GOSR1: variants seen among roughly 807,000 people sequenced by gnomAD.
GOSR1 encodes 28 kDa Golgi SNARE protein.
A neutral mutation model predicts 35.5 loss-of-function variants in GOSR1; 21 were observed. That is an observed-to-expected ratio of 0.59 (90% CI 0.42 to 0.85). GOSR1 has a LOEUF of 0.85. GOSR1 is among the 40% of genes least tolerant of loss of function. The pLI is 0.00. For synonymous variants in GOSR1, 94 were observed against 106.6 expected, an observed-to-expected ratio of 0.88 and a Z score of 0.73; for missense variants, 285 against 309.6, an observed-to-expected ratio of 0.92 and a Z score of 0.60.
At chr17:30,509,668 C>A (rs1967543226) in intron 6 of GOSR1, among the ~76,000 whole-genome samples, 1 of 152,158 alleles carries the variant, frequency 6.6e-6, no homozygotes, top group Admixed American at 6.5e-5. Context: ...TTTACCTATT[C>A]ATTTCTCCCT....
At chr17:30,487,511 A>G (rs1408635213) in intron 4 of GOSR1, among the ~76,000 whole-genome samples, 1 of 152,196 alleles carries the variant, frequency 6.6e-6, no homozygotes, top group Non-Finnish European at 1.5e-5. Flanking sequence ...AATTGCTTAC[A>G]AAAAAATGAA....
rs1289309427 is a variant in GOSR1 at position 30,481,010 on chromosome 17, C to A, written c.32-133C>A. On this transcript the variant is annotated intron_variant, in intron 1 of 8. Transcript: ENST00000451249. ...TACAGGCGTGCACCACCGTGCCCAG[C>A]CAACACTTTTCTTTATGGGGGTAAC... 1.4e-5 allele frequency: 9 copies of A among 632,346 alleles called. No homozygotes were observed. The South Asian group carries it at 1.6e-4, about 11-fold the overall frequency. 39.2% of individuals were successfully genotyped at this position (632,346 alleles called of 1,614,324 possible). A position where few individuals can be genotyped will look rare whatever the true frequency, so the allele number is the denominator to read the frequency against.
chr17:30,526,234 T>TA lies in GOSR1; in HGVS notation c.*3857dup, dbSNP rs1419971489. ...ATTTTCTACTTCTGGATCCAAATGT[T>TA]ACCTCTTAGGGGAAGTTATGCCCCC... On this transcript the variant is annotated 3_prime_UTR_variant, in exon 9 of 9. Coordinates refer to ENST00000451249, the MANE Select transcript of GOSR1 (RefSeq NM_001007025.2). The TA allele has an allele frequency of 1.3e-5, 2 of 152,256 alleles. No homozygotes were observed. Among genetic ancestry groups the TA allele is most frequent in the Non-Finnish European group, 2.9e-5 (2 of 68,038 alleles). 9.4% of individuals were successfully genotyped at this position (152,256 alleles called of 1,614,324 possible). A position where few individuals can be genotyped will look rare whatever the true frequency, so the allele number is the denominator to read the frequency against.
rs915339072 is a variant in GOSR1 at position 30,526,404 on chromosome 17, G to A, written c.*4026G>A. On this transcript the variant is annotated 3_prime_UTR_variant, in exon 9 of 9. Transcript: ENST00000451249. ...CTCACGCCTGTAATCTTAGCACTTT[G>A]GGAGACCAAGGCAGGCGGATCGTTT... 6.6e-6 allele frequency: 1 copy of A among 152,146 alleles called. No individual in the cohort carries two copies. The highest frequency in any genetic ancestry group is 2.4e-5 in the African/African-American group (1 of 41,422). The allele number at this position is 152,146 out of a possible 1,614,324, so 9.4% of individuals were successfully genotyped here.
chr17:30,496,499 C>T (rs921921945), intron 6 of GOSR1, among the ~76,000 whole-genome samples: 59 of 152,296 alleles, frequency 3.9e-4, no homozygotes, highest in African/African-American at 1.3e-3. Context: ...TCTTACTTCT[C>T]TTTTGTTTTT....
At position 30,490,164 on chromosome 17, in the gene GOSR1, T is replaced by C. The variant is rs1191766707; in HGVS notation, c.381T>C (p.Phe127=). The change falls in exon 5 of 9, where the codon TTT becomes TTC. Residue 127 remains phenylalanine (F), a synonymous_variant. Coordinates refer to ENST00000451249, the MANE Select transcript of GOSR1 (RefSeq NM_001007025.2). ...AATTCCATAAAACCAAAGCAAACTT[T>C]ATGGCAATACGGGAAAGGGAGAATC... ...THEFHKTKAN[F]MAIRERENLM... 1.3e-6 allele frequency: 2 copies of C among 1,569,898 alleles called. No individual in the cohort carries two copies. The highest frequency in any genetic ancestry group is 2.7e-5 in the African/African-American group (2 of 74,038).
chr17:30,516,561 G>A (rs552078322), intron 7 of GOSR1, among the ~76,000 whole-genome samples: 26 of 151,910 alleles, frequency 1.7e-4, no homozygotes, highest in African/African-American at 6.3e-4. Context: ...TGACAGTTGT[G>A]TATCCTTCTG....
chr17:30,485,997 G>T (rs776804495), intron 4 of GOSR1, among the ~76,000 whole-genome samples: 2 of 146,862 alleles, frequency 1.4e-5, no homozygotes, highest in Non-Finnish European at 3.0e-5. Flanking sequence ...TCCAGCCTAG[G>T]CTACAAGACT....
chr17:30,520,486 A>G (rs969712607), intron 8 of GOSR1: 1 of 152,600 alleles, frequency 6.6e-6, no homozygotes, highest in East Asian at 1.9e-4. Flanking sequence ...TTGTAACTCT[A>G]TGCACAGGCT....
At chr17:30,488,258 G>A (rs1184287272) in intron 4 of GOSR1, among the ~76,000 whole-genome samples, 8 of 145,930 alleles carry the variant, frequency 5.5e-5, no homozygotes, top group South Asian at 2.2e-4. Flanking sequence ...TCTGCCTCCC[G>A]GGTTCACACC....
At chr17:30,519,369 T>C (rs541334977) in intron 7 of GOSR1, among the ~76,000 whole-genome samples, 1 of 152,300 alleles carries the variant, frequency 6.6e-6, no homozygotes, top group East Asian at 1.9e-4. Flanking sequence ...TTTAGCCACG[T>C]TTAATGAGTC....
chr17:30,516,242 G>T (rs1002007537), intron 7 of GOSR1, among the ~76,000 whole-genome samples: 1 of 149,714 alleles, frequency 6.7e-6, no homozygotes, highest in Admixed American at 6.7e-5. Context: ...AGGCTGAGGC[G>T]GGCGGATCAC....
chr17:30,510,782 A>C lies in GOSR1; in HGVS notation c.510-98A>C, dbSNP rs187806037. 303 of 702,152 alleles carry C rather than the reference A, an allele frequency of 4.3e-4. 2 individuals are homozygous for C. Among genetic ancestry groups the C allele is most frequent in the African/African-American group, 4.2e-3 (230 of 55,302 alleles). 43.5% of individuals were successfully genotyped at this position (702,152 alleles called of 1,614,324 possible). ...TGAAAAAGCTAGACATTCTGTATAC[A>C]TAAATGACTAAAAAGTTTATAGATG... On this transcript the variant is annotated intron_variant, in intron 6 of 8. Coordinates refer to ENST00000451249, the MANE Select transcript of GOSR1 (RefSeq NM_001007025.2).
chr17:30,486,338 G>T (rs1231010812), intron 4 of GOSR1, among the ~76,000 whole-genome samples: 2 of 151,980 alleles, frequency 1.3e-5, no homozygotes, highest in Non-Finnish European at 2.9e-5. Context: ...CCAGCAGGGT[G>T]AAACCCCTTC....
At chr17:30,513,018 TATGATAGGC>T (rs1164757658) in intron 7 of GOSR1, among the ~76,000 whole-genome samples, 1 of 151,890 alleles carries the variant, frequency 6.6e-6, no homozygotes, top group African/African-American at 2.4e-5. Flanking sequence ...TGTTTCAAAA[TATGATAGGC>T]ATTACAAGAA....
intron 6 of GOSR1, among the ~76,000 whole-genome samples, chr17:30,497,248 A>C (rs1277125174): frequency 6.6e-6 from 1 of 152,188 alleles, no homozygotes; most frequent in Non-Finnish European, 1.5e-5. Flanking sequence ...AATAATAATA[A>C]TAAAAATACT....
chr17:30,513,122 T>C (rs909810528), intron 7 of GOSR1, among the ~76,000 whole-genome samples: 2 of 152,216 alleles, frequency 1.3e-5, no homozygotes, highest in African/African-American at 4.8e-5. Context: ...ATATTCCATA[T>C]GGAAAAATTT....
At chr17:30,485,646 G>C (rs1033080450) in intron 4 of GOSR1, among the ~76,000 whole-genome samples, 1 of 152,172 alleles carries the variant, frequency 6.6e-6, no homozygotes, top group Non-Finnish European at 1.5e-5. Context: ...TTATAGGCAT[G>C]AGCCGCTGTA....
At chr17:30,515,995 G>A (rs74707520) in intron 7 of GOSR1, among the ~76,000 whole-genome samples, 26 of 152,278 alleles carry the variant, frequency 1.7e-4, no homozygotes, top group Admixed American at 5.2e-4. Context: ...TCAGTTGAAA[G>A]TGATCCAAAT....
Sources: gnomAD v4.1 joint callset for allele counts (sites outside exome capture counted in the v4.1 genomes callset) on GRCh38, gnomAD v4.1.1 for gene constraint, MANE v1.5 for transcripts, NCBI Gene and HGNC (gene_info 2026-07-23, HGNC 2026-07-21) for gene names.